The following PIGT variants were observed in gnomAD, a reference collection of about 807,000 sequenced individuals.
PIGT encodes phosphatidylinositol glycan anchor biosynthesis class T, also known as GPI-anchor transamidase component PIGT.
A neutral mutation model predicts 66.7 loss-of-function variants in PIGT; 57 were observed. The observed-to-expected ratio is 0.86, with a 90% confidence interval of 0.69 to 1.07. The LOEUF is 1.07. Among genes scored for constraint, PIGT ranks in the 50% least tolerant of loss-of-function variants. The probability of loss-of-function intolerance (pLI) is 0.00; values close to 1 mark genes in which losing one functional copy is unlikely to be tolerated. For synonymous variants in PIGT, 362 were observed against 320.5 expected (o/e 1.13, Z -1.38); for missense variants, 725 against 740.4 (o/e 0.98, Z 0.24).
Position 45,421,553 on chromosome 20 carries a change from A to G in PIGT, c.1204A>G (p.Ile402Val). Residue 402 changes from isoleucine (I) to valine (V), a missense_variant, in exon 9 of 12, where the codon ATC (isoleucine) becomes GTC (valine). This residue lies in a region of PIGT where 559 missense variants were observed against 552.7 expected (regional missense o/e 1.01). Coordinates refer to ENST00000279036, the MANE Select transcript of PIGT (RefSeq NM_015937.6). ...YLRLYVHTLT[I>V]TSKGKENKPS... ...GCGGCTGTATGTGCACACCCTCACC[A>G]TCACCTCCAAGGGCAAGGAGAACAA... 1.2e-6 allele frequency: 2 copies of G among 1,614,052 alleles called. No individual in the cohort carries two copies. The highest frequency in any genetic ancestry group is 1.3e-5 in the African/African-American group (1 of 75,002).
In PIGT at chr20:45,420,345, C is replaced by G; in HGVS notation, c.783C>G (p.Phe261Leu). ...TCTGTTTCTCAGACTGGTCCCTCTT[C>G]CGGATGTTCTCCCGAACCCTCACGG... The part of the protein sequence containing the change: ...TGQGKKDWSL[F>L]RMFSRTLTEP... The change falls in exon 7 of 12, where the codon TTC (phenylalanine) becomes TTG (leucine). Residue 261 changes from phenylalanine (F) to leucine (L), a missense_variant. Around this residue, in one of 3 missense-constraint regions of PIGT, gnomAD observed 559 missense variants for 552.7 expected, o/e 1.01. Transcript: ENST00000279036. The G allele has an allele frequency of 6.2e-7, 1 of 1,613,126 alleles. No homozygotes were observed. The highest frequency in any genetic ancestry group is 8.5e-7 in the Non-Finnish European group (1 of 1,179,596).
chr20:45,425,261 G>A (rs1990669664), intron 11 of PIGT: 1 of 197,528 alleles, frequency 5.1e-6, no homozygotes, highest in Non-Finnish European at 1.0e-5. Context: ...TGGGATACAT[G>A]TGCAGAACAT....
At chr20:45,418,824 C>G in intron 2 of PIGT, 28 bp from the exon 3 acceptor site, 1 of 1,612,934 alleles carries the variant, frequency 6.2e-7, no homozygotes, top group Non-Finnish European at 8.5e-7. Context: ...AGCCCCAGGA[C>G]AGTGAGTGGA....
At chr20:45,423,381 T>G (rs1354572056) in intron 9 of PIGT, 2 of 151,792 alleles carry the variant, frequency 1.3e-5, no homozygotes, top group Non-Finnish European at 2.9e-5. Context: ...GTTGCACGCC[T>G]GTAGTCCCAG....
chr20:45,420,251 C>T (rs757918086), intron 6 of PIGT, 28 bp downstream of exon 6: 1 of 1,597,002 alleles, frequency 6.3e-7, no homozygotes, highest in African/African-American at 1.3e-5. Context: ...CTCATCTGTA[C>T]CCACCCATGC....
chr20:45,416,422 T>TG (rs1989977518), intron 1 of PIGT, 79 bp downstream of exon 1: 2 of 1,557,078 alleles, frequency 1.3e-6, no homozygotes, highest in African/African-American at 1.4e-5. Context: ...AGGCAAACTT[T>TG]GGGGGCGGGG....
Position 45,416,344 on chromosome 20 carries a change from G to A in PIGT, c.187+1G>A, listed in dbSNP as rs748518780. On this transcript the variant is annotated splice_donor_variant, in intron 1 of 11. Transcript: ENST00000279036. LOFTEE classifies it high-confidence loss of function. ...GATTCGGAGCTTCAGCGGGAAGGAG[G>A]TGAGGGCGCGAGATCTGACCAGGGA... 5 of 1,582,260 alleles carry A rather than the reference G, an allele frequency of 3.2e-6. No homozygotes were observed. The highest frequency in any genetic ancestry group is 4.3e-6 in the Non-Finnish European group (5 of 1,161,608).
At chr20:45,419,056 C>T in intron 3 of PIGT, 77 bp downstream of exon 3, 2 of 1,578,478 alleles carry the variant, frequency 1.3e-6, no homozygotes, top group Non-Finnish European at 1.7e-6. Context: ...CCCTCAGTTT[C>T]CTGCTTCCTC....
In PIGT at chr20:45,421,393, AG is replaced by A; in HGVS notation, c.1045del (p.Val349CysfsTer10). The A allele has an allele frequency of 6.2e-7, 1 of 1,613,616 alleles. No individual in the cohort carries two copies. Among genetic ancestry groups the A allele is most frequent in the Non-Finnish European group, 8.5e-7 (1 of 1,179,674 alleles). ...TATTTCTTTACACAGAGGCCCCCCC[AG>A]TGCCCTTCCTGCATGCCCAGCGGTA... is the stretch of plus-strand genomic sequence containing the variant. ...KRPPENEAPP[V>X]PFLHAQRYVS... is the part of the protein sequence containing the mutation. On this transcript the variant is annotated frameshift_variant, in exon 9 of 12. Transcript: ENST00000279036. LOFTEE classifies it high-confidence loss of function.
At chr20:45,419,724 G>T in intron 5 of PIGT, 134 bp downstream of exon 5, 1 of 700,520 alleles carries the variant, frequency 1.4e-6, no homozygotes. Context: ...CAGGGCATTG[G>T]CCAAGCACCA....
At chr20:45,424,639 G>A (rs1344703287) in intron 11 of PIGT, 60 bp downstream of exon 11, 1 of 1,355,430 alleles carries the variant, frequency 7.4e-7, no homozygotes, top group Non-Finnish European at 1.1e-6. Flanking sequence ...CCTTAACACA[G>A]GTGACCAGGC....
rs769501425 is a variant in PIGT at position 45,424,518 on chromosome 20, G to T, written c.1423G>T (p.Val475Leu). ...YVSPSVLSAL[V>L]PSMVAAKPVD... ...TAGCCCATCTGTCCTCAGCGCCCTTGTGCCCAGCATGGTAGCAGCCAAGCC... is the reference window on the plus strand; with the variant it reads ...TAGCCCATCTGTCCTCAGCGCCCTTTTGCCCAGCATGGTAGCAGCCAAGCC... The change falls in exon 11 of 12, where the codon GTG (valine) becomes TTG (leucine). Residue 475 changes from valine to leucine, a missense_variant. Val to Leu is a conservative substitution (Grantham distance 32). Transcript: ENST00000279036. 5 of 1,614,178 alleles carry T rather than the reference G, an allele frequency of 3.1e-6. No homozygotes were observed. The highest frequency in any genetic ancestry group is 3.4e-6 in the Non-Finnish European group (4 of 1,180,032).
At chr20:45,419,475 C>T in intron 4 of PIGT, 29 bp from the exon 5 acceptor site, 1 of 1,613,706 alleles carries the variant, frequency 6.2e-7, no homozygotes, top group Non-Finnish European at 8.5e-7. Context: ...CCATACAGGG[C>T]TTCTCTTATC....
At chr20:45,423,624 C>T (rs1990521407) in intron 9 of PIGT, 3 of 152,504 alleles carry the variant, frequency 2.0e-5, no homozygotes, top group Non-Finnish European at 4.4e-5. Flanking sequence ...TCTCCACACC[C>T]AGAATGTCCC....
intron 3 of PIGT, 131 bp downstream of exon 3, chr20:45,419,110 A>G (rs1181914907): frequency 1.8e-5 from 22 of 1,210,488 alleles, no homozygotes; most frequent in East Asian, 4.6e-5. Context: ...CAGGCCCCCA[A>G]TACTGTGCCA....
intron 5 of PIGT, 121 bp downstream of exon 5, chr20:45,419,711 A>G: frequency 1.3e-6 from 1 of 745,562 alleles, no homozygotes; most frequent in Admixed American, 2.0e-5. Context: ...GATGACGGTT[A>G]TTCAGGGCAT....
chr20:45,420,525 C>T lies in PIGT; in HGVS notation c.868-3C>T. 6.2e-7 allele frequency: 1 copy of T among 1,613,762 alleles called. No homozygotes were observed. The highest frequency in any genetic ancestry group is 8.5e-7 in the Non-Finnish European group (1 of 1,179,938). Reference sequence around the variant, plus strand: ...CTTCTTAGCCCTGCCTTTGTGTCCCCAGGACAACGAGACATTAGAGGTGCA... The same window carrying T: ...CTTCTTAGCCCTGCCTTTGTGTCCCTAGGACAACGAGACATTAGAGGTGCA... On this transcript the variant is annotated splice_polypyrimidine_tract_variant and splice_region_variant and intron_variant, in intron 7 of 11. Coordinates refer to ENST00000279036, the MANE Select transcript of PIGT (RefSeq NM_015937.6).
At position 45,420,560 on chromosome 20, in the gene PIGT, G is replaced by A. The variant is rs780111295; in HGVS notation, c.900G>A (p.Pro300=). Residue 300 remains proline, a synonymous_variant, in exon 8 of 12, where the codon CCG becomes CCA. Transcript: ENST00000279036. ...AGACATTAGAGGTGCACCCACCCCCGACCACTACATATCAGGACGTCATCC... is the reference window on the plus strand; with the variant it reads ...AGACATTAGAGGTGCACCCACCCCCAACCACTACATATCAGGACGTCATCC... ...DNETLEVHPP[P]TTTYQDVILG... is the part of the protein sequence containing the mutation. 12 of 1,613,356 alleles carry A rather than the reference G, an allele frequency of 7.4e-6. No individual in the cohort carries two copies. The highest frequency in any genetic ancestry group is 3.3e-5 in the South Asian group (3 of 91,044).
intron 3 of PIGT, 104 bp from the exon 4 acceptor site, chr20:45,419,191 T>C (rs755665769): frequency 1.8e-6 from 2 of 1,120,116 alleles, no homozygotes; most frequent in African/African-American, 3.1e-5. Context: ...ACTGTGGTGC[T>C]AGAGGTGGTG....
Sources: allele counts gnomAD v4.1 joint callset, GRCh38; gene constraint gnomAD v4.1.1; regional missense constraint gnomAD v4.1.1; transcripts MANE v1.5; gene names NCBI Gene and HGNC (gene_info 2026-07-23, HGNC 2026-07-21).